The following SH3BP4 variants were observed in gnomAD, a reference collection of about 807,000 sequenced individuals.
SH3BP4 encodes SH3 domain binding protein 4, also known as SH3 domain-binding protein 4.
Under a neutral mutation model 65.5 loss-of-function variants are expected in SH3BP4, and 33 were observed. That is an observed-to-expected ratio of 0.50 (90% CI 0.38 to 0.67). The LOEUF (loss-of-function observed/expected upper bound fraction) is 0.67, where lower values mean the gene tolerates loss of function less well. Among genes scored for constraint, SH3BP4 ranks in the 30% least tolerant of loss-of-function variants. The probability of loss-of-function intolerance (pLI) is 0.00; values close to 1 mark genes in which losing one functional copy is unlikely to be tolerated. For missense variants in SH3BP4, 1,134 were observed against 1,261.4 expected, an observed-to-expected ratio of 0.90 and a Z score of 1.53; for synonymous variants, 552 against 545.5, an observed-to-expected ratio of 1.01 and a Z score of -0.17.
chr2:234,968,894 C>T (rs1302325521), intron 1 of SH3BP4, among the ~76,000 whole-genome samples: 2 of 152,172 alleles, frequency 1.3e-5, no homozygotes, highest in Admixed American at 1.3e-4. Context: ...TTATTTTATG[C>T]AAACAGTGTG....
At position 234,991,609 on chromosome 2, in the gene SH3BP4, AC is replaced by A. The variant is rs1693749371; in HGVS notation, c.-206-3693del. 6.6e-6 allele frequency among the ~76,000 whole-genome samples: 1 copy of A among 152,136 alleles called. No homozygotes were observed. The highest frequency in any genetic ancestry group is 2.4e-5 in the African/African-American group (1 of 41,436). On this transcript the variant is annotated intron_variant, in intron 1 of 5. Transcript: ENST00000392011. The surrounding 1 kb of genome is among the most constrained non-coding windows in gnomAD (Gnocchi z 4.2). ...TGTGGTTTTCTTGGGGCCCCTGAAG[AC>A]TGACGGGTCCACACTGGTGTCTGGT...
chr2:235,035,218 C>A lies in SH3BP4; in HGVS notation c.118+98C>A. 2 of 860,936 alleles carry A rather than the reference C, an allele frequency of 2.3e-6. No individual in the cohort carries two copies. Among genetic ancestry groups the A allele is most frequent in the Non-Finnish European group, 2.0e-6 (1 of 506,330 alleles). The allele number at this position is 860,936 out of a possible 1,614,324, so 53.3% of individuals were successfully genotyped here. ...TCTGCTTTAAAGATTGCCAGTTTAG[C>A]ATTCAGATAGTTAAAGTTTAGTTCT... On this transcript the variant is annotated intron_variant, in intron 3 of 5. Transcript: ENST00000392011. This position sits in a 1 kb window ranked among gnomAD's most constrained non-coding sequence, Gnocchi z 5.0.
At chr2:235,018,629 G>A (rs1198931124) in intron 2 of SH3BP4, among the ~76,000 whole-genome samples, 16 of 152,214 alleles carry the variant, frequency 1.1e-4, no homozygotes, top group Non-Finnish European at 1.2e-4. Flanking sequence ...TGTTTCCACA[G>A]TGAAGTACTT....
chr2:235,034,058 C>T lies in SH3BP4; in HGVS notation c.-132-813C>T, dbSNP rs1029911494. Among the ~76,000 whole-genome samples the T allele has an allele frequency of 6.6e-5, 10 of 152,050 alleles. No individual in the cohort carries two copies. Among genetic ancestry groups the T allele is most frequent in the African/African-American group, 2.4e-4 (10 of 41,388 alleles). ...GCTTTGAAATCGGCTCGCTGCTGTT[C>T]CTGTCCCTTCTCCCTGGACCCTGCT... On this transcript the variant is annotated intron_variant, in intron 2 of 5. Coordinates refer to ENST00000392011, the MANE Select transcript of SH3BP4 (RefSeq NM_014521.3). This position sits in a 1 kb window ranked among gnomAD's most constrained non-coding sequence, Gnocchi z 6.2.
intron 1 of SH3BP4, among the ~76,000 whole-genome samples, chr2:234,985,846 A>G (rs546906592): frequency 6.6e-6 from 1 of 151,866 alleles, no homozygotes; most frequent in African/African-American, 2.4e-5. Flanking sequence ...CAGGTGAACC[A>G]GCCCTGGATA....
rs570072188 is a variant in SH3BP4 at position 235,049,292 on chromosome 2, G to C, written c.2479-3270G>C. On this transcript the variant is annotated intron_variant, in intron 4 of 5. Coordinates refer to ENST00000392011, the MANE Select transcript of SH3BP4 (RefSeq NM_014521.3). ...CCTGTGCCCAGTTCCCCTGGGGAGAGAGCGGTTTTGATCACTCGCACCAGG... is the reference window on the plus strand; with the variant it reads ...CCTGTGCCCAGTTCCCCTGGGGAGACAGCGGTTTTGATCACTCGCACCAGG... Among the ~76,000 whole-genome samples the C allele has an allele frequency of 2.6e-5, 4 of 152,316 alleles. No homozygotes were observed. In the South Asian group the frequency reaches 6.2e-4, roughly 24 times the overall value.
At chr2:234,983,515 G>A (rs1185339844) in intron 1 of SH3BP4, among the ~76,000 whole-genome samples, 1 of 152,194 alleles carries the variant, frequency 6.6e-6, no homozygotes, top group Non-Finnish European at 1.5e-5. Flanking sequence ...TTTTGATACG[G>A]TGTGGTCGGC....
At position 235,042,800 on chromosome 2, in the gene SH3BP4, C is replaced by T; in HGVS notation, c.2031C>T (p.Tyr677=). The change falls in exon 4 of 6, where the codon TAC becomes TAT. Residue 677 remains tyrosine, a synonymous_variant. Transcript: ENST00000392011. This position sits in a 1 kb window ranked among gnomAD's most constrained non-coding sequence, Gnocchi z 7.3. ...RQNKNHYLLE[Y]KKGDGIALLS... ...ACAAGAACCACTACCTGCTGGAGTA[C>T]AAGAAGGGCGACGGGATCGCCCTGC... is the stretch of plus-strand genomic sequence containing the variant. 6.2e-7 allele frequency: 1 copy of T among 1,614,092 alleles called. No individual in the cohort carries two copies. Among genetic ancestry groups the T allele is most frequent in the Non-Finnish European group, 8.5e-7 (1 of 1,180,034 alleles).
chr2:235,049,603 A>G (rs1244690187), intron 4 of SH3BP4, among the ~76,000 whole-genome samples: 2 of 152,242 alleles, frequency 1.3e-5, no homozygotes, highest in African/African-American at 4.8e-5. Context: ...ACACACGTGT[A>G]TGCTTTTATC....
intron 1 of SH3BP4, among the ~76,000 whole-genome samples, chr2:234,968,005 C>G (rs1190950011): frequency 6.6e-6 from 1 of 152,104 alleles, no homozygotes; most frequent in Admixed American, 6.6e-5. Flanking sequence ...TGGAGAAGCC[C>G]GCTCCTTCCC....
At chr2:235,053,112 G>C (rs1466512881) in intron 5 of SH3BP4, among the ~76,000 whole-genome samples, 2 of 152,216 alleles carry the variant, frequency 1.3e-5, no homozygotes, top group East Asian at 3.9e-4. Flanking sequence ...GTGATACCTG[G>C]TATGTTACAT....
Position 235,055,652 on chromosome 2 carries a change from G to A in SH3BP4, c.*1836G>A, listed in dbSNP as rs1230477274. The stretch of plus-strand genomic sequence containing the variant: ...AAATTTTATTTGGATATTTTAACCT[G>A]TTAAGTGTGTGTGTGTTTTCTGTAC... On this transcript the variant is annotated 3_prime_UTR_variant, in exon 6 of 6. Coordinates refer to ENST00000392011, the MANE Select transcript of SH3BP4 (RefSeq NM_014521.3). The A allele has an allele frequency of 6.6e-6, 1 of 152,582 alleles. No homozygotes were observed. The highest frequency in any genetic ancestry group is 2.4e-5 in the African/African-American group (1 of 41,432). The allele number at this position is 152,582 out of a possible 1,614,324, so 9.5% of individuals were successfully genotyped here.
chr2:235,014,124 T>C (rs1694611045), intron 2 of SH3BP4, among the ~76,000 whole-genome samples: 1 of 152,220 alleles, frequency 6.6e-6, no homozygotes, highest in Admixed American at 6.5e-5. Context: ...TGCGTGGCTC[T>C]TACGGTGACA....
At position 235,037,094 on chromosome 2, in the gene SH3BP4, G is replaced by A. The variant is rs533489326; in HGVS notation, c.118+1974G>A. Among the ~76,000 whole-genome samples the A allele has an allele frequency of 3.3e-5, 5 of 152,268 alleles. No individual in the cohort carries two copies. The East Asian group carries it at 9.6e-4, about 29-fold the overall frequency. On this transcript the variant is annotated intron_variant, in intron 3 of 5. Transcript: ENST00000392011. ...TTCTACTCTGATGAATGTTTTGCCT[G>A]CAGAAGAACGTAGGCAGACGGATAG...
At chr2:234,992,641 A>G (rs1348235063) in intron 1 of SH3BP4, among the ~76,000 whole-genome samples, 1 of 148,078 alleles carries the variant, frequency 6.8e-6, no homozygotes, top group African/African-American at 2.5e-5. Flanking sequence ...GCCCCTGGAG[A>G]TGGACGCATT....
chr2:235,030,924 G>A lies in SH3BP4; in HGVS notation c.-132-3947G>A, dbSNP rs1328128643. ...ACTGTAAAAACGGCCCCAAGGGTGC[G>A]GACAGGGGGCACCTCTGTTACTCAC... On this transcript the variant is annotated intron_variant, in intron 2 of 5. Coordinates refer to ENST00000392011, the MANE Select transcript of SH3BP4 (RefSeq NM_014521.3). The surrounding 1 kb of genome is among the most constrained non-coding windows in gnomAD (Gnocchi z 4.1). Among the ~76,000 whole-genome samples, 5 of 152,162 alleles carry A rather than the reference G, an allele frequency of 3.3e-5. No homozygotes were observed. Among genetic ancestry groups the A allele is most frequent in the African/African-American group, 4.8e-5 (2 of 41,438 alleles).
In SH3BP4 at chr2:234,977,717, G is replaced by A. The variant is rs116025864; in HGVS notation, c.-206-17586G>A. 0.011 allele frequency among the ~76,000 whole-genome samples: 1,700 copies of A among 152,202 alleles called. 35 individuals carry two copies. Among genetic ancestry groups the A allele is most frequent in the African/African-American group, 0.039 (1,612 of 41,532 alleles). On this transcript the variant is annotated intron_variant, in intron 1 of 5. Coordinates refer to ENST00000392011, the MANE Select transcript of SH3BP4 (RefSeq NM_014521.3). This position sits in a 1 kb window ranked among gnomAD's most constrained non-coding sequence, Gnocchi z 5.1. Reference sequence around the variant, plus strand: ...ACAGCCACACCGAGGCACCTGCTCCGTAGATGATTTTTTTTTGCTTATGCA... The same window carrying A: ...ACAGCCACACCGAGGCACCTGCTCCATAGATGATTTTTTTTTGCTTATGCA...
At chr2:235,044,053 T>A (rs1695765620) in intron 4 of SH3BP4, among the ~76,000 whole-genome samples, 3 of 152,230 alleles carry the variant, frequency 2.0e-5, no homozygotes, top group African/African-American at 7.2e-5. Flanking sequence ...GTTCGTTAGA[T>A]TCCCAACAGG....
chr2:234,960,376 G>C (rs13032942), intron 1 of SH3BP4, among the ~76,000 whole-genome samples: 86,362 of 152,088 alleles, frequency 0.57, 25,345 homozygotes, highest in Middle Eastern at 0.75. Flanking sequence ...GCTCTGTTCC[G>C]GTTCAGTACA....
Sources: gnomAD v4.1 joint callset for allele counts (sites outside exome capture counted in the v4.1 genomes callset) on GRCh38, gnomAD v4.1.1 for gene constraint, Gnocchi (gnomAD v3.1) non-coding constraint, MANE v1.5 for transcripts, NCBI Gene and HGNC (gene_info 2026-07-23, HGNC 2026-07-21) for gene names.